Variants in DISC1 observed in about 807,000 individuals in gnomAD.
DISC1 encodes the protein disrupted in schizophrenia 1 protein.
Under a neutral mutation model 84.5 loss-of-function variants are expected in DISC1, and 57 were observed. That is an observed-to-expected ratio of 0.67 (90% CI 0.55 to 0.84). DISC1 has a LOEUF of 0.84. Ranked by LOEUF, DISC1 falls within the 40% of genes least tolerant of loss-of-function variation. The pLI is 0.00. For synonymous variants in DISC1, 411 were observed against 415.2 expected, an observed-to-expected ratio of 0.99 and a Z score of 0.12; for missense variants, 1,000 against 1,057.8, an observed-to-expected ratio of 0.95 and a Z score of 0.76.
intron 3 of DISC1, among the ~76,000 whole-genome samples, chr1:231,703,735 T>C (rs1484185060): frequency 1.3e-5 from 2 of 152,188 alleles, no homozygotes; most frequent in Non-Finnish European, 2.9e-5. Flanking sequence ...ATACACCTCA[T>C]CAGGGAAGCT....
At chr1:231,958,467 C>T (rs1659900664) in intron 9 of DISC1, among the ~76,000 whole-genome samples, 2 of 152,208 alleles carry the variant, frequency 1.3e-5, no homozygotes. Flanking sequence ...GTCAGGTTCT[C>T]TTTCCCTGTA....
At chr1:231,923,174 C>T (rs1372195167) in intron 9 of DISC1, among the ~76,000 whole-genome samples, 1 of 151,854 alleles carries the variant, frequency 6.6e-6, no homozygotes, top group East Asian at 1.9e-4. Context: ...GTAATCCCAG[C>T]TACTCTGGAG....
At chr1:232,025,666 G>A (rs1475733075) in intron 11 of DISC1, among the ~76,000 whole-genome samples, 2 of 149,556 alleles carry the variant, frequency 1.3e-5, no homozygotes, top group Non-Finnish European at 3.0e-5. Context: ...GTGCAATCTC[G>A]GCTCACTGCA....
chr1:231,800,927 A>G (rs1451843401), intron 8 of DISC1, among the ~76,000 whole-genome samples: 1 of 151,974 alleles, frequency 6.6e-6, no homozygotes, highest in Non-Finnish European at 1.5e-5. Flanking sequence ...TGTATTATAT[A>G]TGGATTTTTA....
At chr1:231,729,113 T>C (rs2071168648) in intron 3 of DISC1, among the ~76,000 whole-genome samples, 2 of 152,176 alleles carry the variant, frequency 1.3e-5, no homozygotes, top group African/African-American at 4.8e-5. Context: ...GTCCTTGAGA[T>C]AGTTTGCTGA....
At position 231,723,411 on chromosome 1, in the gene DISC1, A is replaced by G. The variant is rs111564180; in HGVS notation, c.1117+21387A>G. 371 of 985,696 alleles carry G rather than the reference A, an allele frequency of 3.8e-4. No individual in the cohort carries two copies. In the African/African-American group the frequency reaches 6.0e-3, roughly 16 times the overall value. 61.1% of individuals were successfully genotyped at this position (985,696 alleles called of 1,614,324 possible). A position where few individuals can be genotyped will look rare whatever the true frequency, so the allele number is the denominator to read the frequency against. ...ATCTTCTTCCCTTGCTTCCAGAATT[A>G]TTGCTGTGAGATCAGGTGCACTGGC... is the stretch of plus-strand genomic sequence containing the variant. On this transcript the variant is annotated intron_variant, in intron 3 of 12. Coordinates refer to ENST00000439617, the MANE Select transcript of DISC1 (RefSeq NM_018662.3).
rs751454832 is a variant in DISC1 at position 232,009,074 on chromosome 1, A to G, written c.2307+25A>G. ...GGTCTGTCCTTTTCACATGGCCTCC[A>G]GAGGGGACCCTTATTCTAAGGGGTG... On this transcript the variant is annotated intron_variant, in intron 11 of 12. Transcript: ENST00000439617. This position sits in a 1 kb window ranked among gnomAD's most constrained non-coding sequence, Gnocchi z 4.6. 4.3e-6 allele frequency: 7 copies of G among 1,613,458 alleles called. No homozygotes were observed. The highest frequency in any genetic ancestry group is 5.9e-6 in the Non-Finnish European group (7 of 1,179,738).
chr1:231,941,290 C>T (rs200411863), intron 9 of DISC1, among the ~76,000 whole-genome samples: 5 of 152,092 alleles, frequency 3.3e-5, no homozygotes, highest in Admixed American at 6.5e-5. Context: ...AACACTCAGC[C>T]GGCTCCCACA....
chr1:231,896,126 G>A (rs2087669755), intron 9 of DISC1, among the ~76,000 whole-genome samples: 1 of 152,066 alleles, frequency 6.6e-6, no homozygotes, highest in African/African-American at 2.4e-5. Flanking sequence ...TACCAATGAT[G>A]GCTGTTCATA....
rs1389673984 is a variant in DISC1, at chr1:231,989,624, A to G, written c.2043-19161A>G. On this transcript the variant is annotated intron_variant, in intron 10 of 12. Coordinates refer to ENST00000439617, the MANE Select transcript of DISC1 (RefSeq NM_018662.3). ...AGCTGGCTTTTAAGGGATAAAGCAG[A>G]CATTGCCTGAGATAAGAGCTATAGA... Among the ~76,000 whole-genome samples the G allele has an allele frequency of 2.6e-5, 4 of 152,226 alleles. No homozygotes were observed. The East Asian group carries it at 7.7e-4, about 29-fold the overall frequency.
intron 9 of DISC1, among the ~76,000 whole-genome samples, chr1:231,834,043 A>G (rs1240341786): frequency 6.6e-6 from 1 of 152,136 alleles, no homozygotes; most frequent in African/African-American, 2.4e-5. Context: ...CTGGGTTTTT[A>G]TAGTTGCTGA....
intron 9 of DISC1, among the ~76,000 whole-genome samples, chr1:231,842,118 TCCCAAGCATCTGGGACTACAGGCATGCA>T (rs893035708): frequency 3.3e-5 from 5 of 152,082 alleles, no homozygotes; most frequent in Admixed American, 2.6e-4. Context: ...CATGTCAGGC[TCCCAAGCATCTGGGACTACAGGCATGCA>T]CCACCATGCC....
At chr1:232,020,565 T>C (rs1668869450) in intron 11 of DISC1, among the ~76,000 whole-genome samples, 1 of 152,138 alleles carries the variant, frequency 6.6e-6, no homozygotes, top group Non-Finnish European at 1.5e-5. Flanking sequence ...GGAAACAAGA[T>C]GGTGTTAAGA....
chr1:231,976,116 C>G (rs555414280), intron 10 of DISC1, among the ~76,000 whole-genome samples: 1 of 152,298 alleles, frequency 6.6e-6, no homozygotes, highest in Non-Finnish European at 1.5e-5. Flanking sequence ...GCTTCCCTTT[C>G]TCACCAGGAC....
At chr1:231,641,575 G>A (rs1419751826) in intron 1 of DISC1, among the ~76,000 whole-genome samples, 2 of 152,216 alleles carry the variant, frequency 1.3e-5, no homozygotes, top group Non-Finnish European at 2.9e-5. Flanking sequence ...TGTGCAAAGG[G>A]ACCGGAGAGG....
At chr1:232,021,797 G>A (rs1222397433) in intron 11 of DISC1, among the ~76,000 whole-genome samples, 2 of 152,132 alleles carry the variant, frequency 1.3e-5, no homozygotes, top group African/African-American at 4.8e-5. Context: ...AATTGGGGTG[G>A]GGCACAGTGA....
At chr1:231,669,594 A>G (rs772699111) in intron 1 of DISC1, among the ~76,000 whole-genome samples, 14 of 152,232 alleles carry the variant, frequency 9.2e-5, no homozygotes, top group Non-Finnish European at 1.3e-4. Context: ...AAAAGAAGAC[A>G]TACATGCAGA....
chr1:231,801,981 G>A (rs1237540530), intron 8 of DISC1, among the ~76,000 whole-genome samples: 2 of 151,950 alleles, frequency 1.3e-5, no homozygotes, highest in Non-Finnish European at 2.9e-5. Flanking sequence ...ACCACGCCCG[G>A]CTAATTTTTT....
chr1:231,948,861 ATTT>A (rs58931988), intron 9 of DISC1, among the ~76,000 whole-genome samples: 345 of 94,448 alleles, frequency 3.7e-3, no homozygotes, highest in East Asian at 0.013. Flanking sequence ...TCCTGTGTTA[ATTT>A]TTTTTTTTTT....
Sources: allele counts gnomAD v4.1 joint callset (sites outside exome capture counted in the v4.1 genomes callset), GRCh38; gene constraint gnomAD v4.1.1; non-coding constraint Gnocchi (gnomAD v3.1); transcripts MANE v1.5; gene names NCBI Gene and HGNC (gene_info 2026-07-23, HGNC 2026-07-21).